The following PCED1B variants were observed in gnomAD, a reference collection of about 807,000 sequenced individuals.
PCED1B encodes the protein PC-esterase domain containing 1B.
For missense variants in PCED1B, 573 were observed against 573.9 expected (o/e 1.00, Z 0.02); for synonymous variants, 251 against 246.1 (o/e 1.02, Z -0.19).
chr12:47,198,696 G>A (rs1942679351), intron 2 of PCED1B, among the ~76,000 whole-genome samples: 1 of 152,124 alleles, frequency 6.6e-6, no homozygotes, highest in Non-Finnish European at 1.5e-5. Context: ...CAGGTGTGGT[G>A]GCTCACACCT....
intron 1 of PCED1B, among the ~76,000 whole-genome samples, chr12:47,080,416 C>T (rs1347060245): frequency 6.6e-6 from 1 of 152,234 alleles, no homozygotes; most frequent in Non-Finnish European, 1.5e-5. Flanking sequence ...GAGGCTTTGC[C>T]TGCGCCAAGT....
At chr12:47,189,404 C>T (rs1253950560) in intron 2 of PCED1B, among the ~76,000 whole-genome samples, 1 of 152,182 alleles carries the variant, frequency 6.6e-6, no homozygotes, top group African/African-American at 2.4e-5. Flanking sequence ...TGGAGAGGTG[C>T]AGCCCTGTTT....
chr12:47,221,355 T>C (rs1943472206), intron 3 of PCED1B, among the ~76,000 whole-genome samples: 1 of 150,638 alleles, frequency 6.6e-6, no homozygotes, highest in Admixed American at 6.6e-5. Flanking sequence ...TTTTTTTTTT[T>C]TTTTTTAAGA....
chr12:47,081,363 A>C (rs527435060), intron 1 of PCED1B, among the ~76,000 whole-genome samples: 2 of 152,202 alleles, frequency 1.3e-5, no homozygotes, highest in African/African-American at 4.8e-5. Context: ...TGTTTCCTAC[A>C]TGGTCCGTGA....
intron 2 of PCED1B, among the ~76,000 whole-genome samples, chr12:47,135,111 G>T (rs1284294776): frequency 6.6e-6 from 1 of 152,046 alleles, no homozygotes; most frequent in African/African-American, 2.4e-5. Context: ...CATTTAGTTT[G>T]TTGCCATTAC....
intron 1 of PCED1B, among the ~76,000 whole-genome samples, chr12:47,087,866 A>G (rs911214438): frequency 1.3e-5 from 2 of 152,232 alleles, no homozygotes; most frequent in African/African-American, 2.4e-5. Flanking sequence ...GGCACTCGCA[A>G]TAAAGAATTA....
intron 2 of PCED1B, among the ~76,000 whole-genome samples, chr12:47,185,978 G>A (rs999650081): frequency 2.2e-4 from 34 of 152,116 alleles, no homozygotes; most frequent in African/African-American, 8.2e-4. Flanking sequence ...CCAGCACTTT[G>A]GGAGGCCAAG....
chr12:47,171,063 A>AC (rs1941713728), intron 2 of PCED1B, among the ~76,000 whole-genome samples: 3 of 121,108 alleles, frequency 2.5e-5, no homozygotes, highest in Non-Finnish European at 5.2e-5. Flanking sequence ...CTGCCAGGTT[A>AC]CCTTTTTTTT....
In PCED1B at chr12:47,152,292, A is replaced by G. The variant is rs75724633; in HGVS notation, c.-526+48097A>G. On this transcript the variant is annotated intron_variant, in intron 2 of 3. Coordinates refer to ENST00000546455, the MANE Select transcript of PCED1B (RefSeq NM_138371.3). Reference sequence around the variant, plus strand: ...GCCAAGACCACATTAACCAAAGTCAATATTACCATTTGTAATATGAGGTTT... The same window carrying G: ...GCCAAGACCACATTAACCAAAGTCAGTATTACCATTTGTAATATGAGGTTT... 1.8e-4 allele frequency among the ~76,000 whole-genome samples: 27 copies of G among 152,306 alleles called. No individual in the cohort carries two copies. In the East Asian group the frequency reaches 3.3e-3, roughly 19 times the overall value.
At chr12:47,132,760 A>G (rs1940184397) in intron 2 of PCED1B, among the ~76,000 whole-genome samples, 2 of 152,244 alleles carry the variant, frequency 1.3e-5, no homozygotes, top group South Asian at 4.1e-4. Context: ...AACCTAAGCC[A>G]TGAGCTTCTG....
intron 3 of PCED1B, among the ~76,000 whole-genome samples, chr12:47,217,226 C>T (rs1037367821): frequency 6.6e-6 from 1 of 151,624 alleles, no homozygotes; most frequent in African/African-American, 2.4e-5. Context: ...CATGATGAAA[C>T]CCTGTCTCTA....
chr12:47,223,534 A>G (rs1943548041), intron 3 of PCED1B: 1 of 152,234 alleles, frequency 6.6e-6, no homozygotes, highest in African/African-American at 2.4e-5. Context: ...AAAGCAAGAA[A>G]CTAGAATGTG....
At chr12:47,198,354 G>GT (rs1373101252) in intron 2 of PCED1B, among the ~76,000 whole-genome samples, 1 of 152,156 alleles carries the variant, frequency 6.6e-6, no homozygotes, top group African/African-American at 2.4e-5. Context: ...CTCATTCATA[G>GT]TTTAGAGAAA....
chr12:47,122,018 C>G (rs1313658799), intron 2 of PCED1B, among the ~76,000 whole-genome samples: 1 of 124,620 alleles, frequency 8.0e-6, no homozygotes, highest in Non-Finnish European at 1.7e-5. Flanking sequence ...CAGAGCGAGA[C>G]TCCATCTCAA....
intron 3 of PCED1B, among the ~76,000 whole-genome samples, chr12:47,233,637 A>G (rs1943880354): frequency 6.6e-6 from 1 of 152,242 alleles, no homozygotes; most frequent in South Asian, 2.1e-4. Flanking sequence ...AAAGGATGAT[A>G]ACCTGTCTGA....
chr12:47,194,453 G>A (rs1162236469), intron 2 of PCED1B, among the ~76,000 whole-genome samples: 4 of 152,184 alleles, frequency 2.6e-5, no homozygotes, highest in South Asian at 2.1e-4. Context: ...GATTACAGGC[G>A]TGAGCCACCG....
At chr12:47,097,991 A>G (rs1438832788) in intron 1 of PCED1B, among the ~76,000 whole-genome samples, 1 of 152,252 alleles carries the variant, frequency 6.6e-6, no homozygotes, top group Admixed American at 6.5e-5. Context: ...ATAAGGTCTT[A>G]CCATTTCCAA....
intron 1 of PCED1B, among the ~76,000 whole-genome samples, chr12:47,092,198 T>C (rs1388803813): frequency 6.6e-6 from 1 of 152,004 alleles, no homozygotes; most frequent in Non-Finnish European, 1.5e-5. Context: ...TTTATTTAGC[T>C]CTCCTTTAAT....
chr12:47,200,201 A>C (rs1942722566), intron 2 of PCED1B, among the ~76,000 whole-genome samples: 3 of 152,090 alleles, frequency 2.0e-5, no homozygotes, highest in Admixed American at 2.0e-4. Flanking sequence ...CCTCAAAAAA[A>C]AAAAAATTCT....
Sources: gnomAD v4.1 joint callset for allele counts (sites outside exome capture counted in the v4.1 genomes callset) on GRCh38, gnomAD v4.1.1 for gene constraint, MANE v1.5 for transcripts, NCBI Gene and HGNC (gene_info 2026-07-23, HGNC 2026-07-21) for gene names.